The following LYRM4 variants were observed in gnomAD, a reference collection of about 807,000 sequenced individuals.
LYRM4 encodes LYR motif-containing protein 4.
LYRM4 carries 9 observed loss-of-function variants against 11.7 expected under a neutral mutation model. The ratio of observed to expected loss-of-function variants is 0.77; its 90% CI spans 0.46 to 1.34. The LOEUF (loss-of-function observed/expected upper bound fraction) is 1.34. Ranked by LOEUF, LYRM4 falls within the 40% of genes most tolerant of loss-of-function variation. The pLI, the probability that LYRM4 is intolerant of heterozygous loss-of-function variation, is 0.00. For missense variants in LYRM4, 133 were observed against 112.5 expected (o/e 1.18, Z -0.82); for synonymous variants, 42 against 40.4 (o/e 1.04, Z -0.15).
chr6:5,208,027 G>A (rs959209451), intron 2 of LYRM4, among the ~76,000 whole-genome samples: 2 of 152,164 alleles, frequency 1.3e-5, no homozygotes, highest in African/African-American at 4.8e-5. Context: ...TCCTAATTGT[G>A]TGTCCTTGGG....
intron 2 of LYRM4, among the ~76,000 whole-genome samples, chr6:5,114,274 C>T (rs746565844): frequency 7.2e-5 from 11 of 152,256 alleles, no homozygotes; most frequent in Non-Finnish European, 1.0e-4. Flanking sequence ...AAGGTGGAGA[C>T]TGAGTGCTTG....
chr6:5,171,013 T>A (rs1759398655), intron 2 of LYRM4, among the ~76,000 whole-genome samples: 1 of 152,184 alleles, frequency 6.6e-6, no homozygotes, highest in African/African-American at 2.4e-5. Flanking sequence ...TAATTTGAAA[T>A]TAGGAAATAA....
chr6:5,138,487 CAAAAAAAAAAAAAAAA>C lies in LYRM4; in HGVS notation c.208-29012_208-28997del, dbSNP rs765741377. Among the ~76,000 whole-genome samples the C allele has an allele frequency of 4.8e-3, 238 of 49,708 alleles. 2 individuals carry two copies. The highest frequency in any genetic ancestry group is 0.022 in the Middle Eastern group (1 of 46). 32.6% of individuals were successfully genotyped at this position (49,708 alleles called of 152,430 possible). ...GGCCAACAGAGTGAGACCCTGTCTC[CAAAAAAAAAAAAAAAA>C]AAAAAAAAAAAAAAATCGATAGTTT... On this transcript the variant is annotated intron_variant, in intron 2 of 2. Coordinates refer to ENST00000330636, the MANE Select transcript of LYRM4 (RefSeq NM_020408.6).
intron 2 of LYRM4, among the ~76,000 whole-genome samples, chr6:5,188,386 G>C (rs1303697437): frequency 6.6e-6 from 1 of 152,000 alleles, no homozygotes; most frequent in African/African-American, 2.4e-5. Flanking sequence ...AAAAAAGAGA[G>C]AGAATGCATT....
intron 2 of LYRM4, among the ~76,000 whole-genome samples, chr6:5,210,850 C>T (rs938411154): frequency 6.6e-6 from 1 of 152,066 alleles, no homozygotes; most frequent in Non-Finnish European, 1.5e-5. Context: ...GATTCTGTTC[C>T]TTTTTAAGGC....
At chr6:5,119,887 A>G (rs1763341932) in intron 2 of LYRM4, among the ~76,000 whole-genome samples, 1 of 150,724 alleles carries the variant, frequency 6.6e-6, no homozygotes, top group African/African-American at 2.4e-5. Context: ...CCGCATCATC[A>G]TAGGAAAGGG....
At chr6:5,207,515 GAGA>G (rs1761765811) in intron 2 of LYRM4, among the ~76,000 whole-genome samples, 1 of 152,174 alleles carries the variant, frequency 6.6e-6, no homozygotes, top group Admixed American at 6.5e-5. Context: ...GTCATCTTGG[GAGA>G]AGGTCTTCTG....
At chr6:5,164,142 G>A (rs1758932342) in intron 2 of LYRM4, among the ~76,000 whole-genome samples, 1 of 152,204 alleles carries the variant, frequency 6.6e-6, no homozygotes, top group African/African-American at 2.4e-5. Context: ...TGATGGGAAT[G>A]CATTTTGGCA....
chr6:5,142,739 C>T (rs924649480), intron 2 of LYRM4, among the ~76,000 whole-genome samples: 2 of 152,170 alleles, frequency 1.3e-5, no homozygotes, highest in African/African-American at 4.8e-5. Context: ...TGACTTAGCC[C>T]TTGCATTAGG....
chr6:5,234,609 C>T (rs987583978), intron 1 of LYRM4, among the ~76,000 whole-genome samples: 1 of 152,102 alleles, frequency 6.6e-6, no homozygotes, highest in Admixed American at 6.5e-5. Flanking sequence ...AGCCTTTCTG[C>T]AACGGCAGGC....
At chr6:5,172,620 C>T (rs999146027) in intron 2 of LYRM4, among the ~76,000 whole-genome samples, 4 of 152,126 alleles carry the variant, frequency 2.6e-5, no homozygotes, top group Admixed American at 2.6e-4. Context: ...ATGACTGCAC[C>T]TGGTCCAAAG....
At chr6:5,147,869 C>G (rs1757816147) in intron 2 of LYRM4, among the ~76,000 whole-genome samples, 1 of 152,182 alleles carries the variant, frequency 6.6e-6, no homozygotes, top group South Asian at 2.1e-4. Flanking sequence ...CCAAATTTTC[C>G]TGGAAGCTCC....
intron 2 of LYRM4, among the ~76,000 whole-genome samples, chr6:5,198,141 T>C (rs1246265099): frequency 6.6e-6 from 1 of 151,958 alleles, no homozygotes; most frequent in Non-Finnish European, 1.5e-5. Flanking sequence ...GAGGTTACAG[T>C]GAACCGAGAT....
chr6:5,122,262 A>G (rs1763491559), intron 2 of LYRM4, among the ~76,000 whole-genome samples: 1 of 152,016 alleles, frequency 6.6e-6, no homozygotes, highest in African/African-American at 2.4e-5. Flanking sequence ...GAGAATAATC[A>G]CCCACACTAA....
intron 1 of LYRM4, among the ~76,000 whole-genome samples, chr6:5,253,821 C>T (rs6939454): frequency 0.087 from 10,741 of 123,836 alleles, 433 homozygotes; most frequent in Middle Eastern, 0.15. Context: ...TAAGTGGGTG[C>T]CTCATGCTGA....
At chr6:5,182,824 T>G (rs1760156544) in intron 2 of LYRM4, among the ~76,000 whole-genome samples, 1 of 152,200 alleles carries the variant, frequency 6.6e-6, no homozygotes, top group African/African-American at 2.4e-5. Context: ...TCATGGACCT[T>G]CTATATTTTT....
intron 2 of LYRM4, among the ~76,000 whole-genome samples, chr6:5,160,682 T>C (rs1441621285): frequency 2.0e-5 from 3 of 150,636 alleles, no homozygotes; most frequent in African/African-American, 7.3e-5. Flanking sequence ...GAACTGTGAG[T>C]GCATTAAACC....
chr6:5,224,444 C>T (rs1305414087), intron 1 of LYRM4, among the ~76,000 whole-genome samples: 2 of 152,124 alleles, frequency 1.3e-5, no homozygotes, highest in Non-Finnish European at 2.9e-5. Flanking sequence ...ACTGGTACTT[C>T]CTGTGAAGAA....
At chr6:5,210,741 C>T (rs1761949287) in intron 2 of LYRM4, among the ~76,000 whole-genome samples, 1 of 152,176 alleles carries the variant, frequency 6.6e-6, no homozygotes, top group Non-Finnish European at 1.5e-5. Flanking sequence ...CTACTTTAGA[C>T]ACCTCATATA....
Sources: gnomAD v4.1 joint callset for allele counts (sites outside exome capture counted in the v4.1 genomes callset) on GRCh38, gnomAD v4.1.1 for gene constraint, MANE v1.5 for transcripts, NCBI Gene and HGNC (gene_info 2026-07-23, HGNC 2026-07-21) for gene names.